The following MANEA variants were observed in gnomAD, a reference collection of about 807,000 sequenced individuals.
The protein encoded by MANEA is glycoprotein endo-alpha-1,2-mannosidase.
MANEA carries 25 observed loss-of-function variants against 36.8 expected under a neutral mutation model. That is an observed-to-expected ratio of 0.68 (90% CI 0.50 to 0.95). MANEA has a LOEUF of 0.95. MANEA is among the 40% of genes least tolerant of loss of function. MANEA has a pLI of 0.00. For synonymous variants in MANEA, 198 were observed against 188.5 expected, an observed-to-expected ratio of 1.05 and a Z score of -0.41; for missense variants, 565 against 558.8, an observed-to-expected ratio of 1.01 and a Z score of -0.11.
rs1019019682 is a variant in MANEA, at chr6:95,604,885, T to A, written c.713T>A (p.Val238Asp). The A allele has an allele frequency of 1.4e-6, 2 of 1,427,610 alleles. No homozygotes were observed. The highest frequency in any genetic ancestry group is 2.1e-5 in the Admixed American group (1 of 48,216). The allele number at this position is 1,427,610 out of a possible 1,614,324, so 88.4% of individuals were successfully genotyped here. The change falls in exon 4 of 5, where the codon GTC becomes GAC. Residue 238 changes from valine to aspartate, a missense_variant. Physicochemically the swap from Val to Asp is radical, Grantham distance 152. Coordinates refer to ENST00000358812, the MANE Select transcript of MANEA (RefSeq NM_024641.4). ...GATGATCAAAACATGTACAAAAATG[T>A]CAAGTATATTATAGACAAGTGAGTT... Reference protein sequence around the residue: ...NRDDQNMYKNVKYIIDKYGNH... With the variant: ...NRDDQNMYKNDKYIIDKYGNH...
At chr6:95,584,087 T>G (rs1228291441) in intron 1 of MANEA, among the ~76,000 whole-genome samples, 2 of 152,184 alleles carry the variant, frequency 1.3e-5, no homozygotes, top group African/African-American at 4.8e-5. Flanking sequence ...CTTAATCCTC[T>G]TATCTTCGTA....
At chr6:95,580,974 C>T (rs1769168404) in intron 1 of MANEA, among the ~76,000 whole-genome samples, 1 of 152,064 alleles carries the variant, frequency 6.6e-6, no homozygotes, top group Non-Finnish European at 1.5e-5. Context: ...TAAACAATTG[C>T]TCATTTATTT....
At chr6:95,589,734 T>C (rs1428623495) in intron 2 of MANEA, among the ~76,000 whole-genome samples, 2 of 152,134 alleles carry the variant, frequency 1.3e-5, no homozygotes, top group Non-Finnish European at 2.9e-5. Context: ...ACTAAAACTT[T>C]AGTAGACTGG....
intron 4 of MANEA, 79 bp from the exon 5 acceptor site, chr6:95,605,669 C>T (rs1477441482): frequency 4.8e-6 from 5 of 1,045,354 alleles, no homozygotes; most frequent in Non-Finnish European, 7.2e-6. Flanking sequence ...CTGACTCCTT[C>T]ATTTTCAGTA....
At position 95,599,331 on chromosome 6, in the gene MANEA, G is replaced by A. The variant is rs571750497; in HGVS notation, c.654+2485G>A. Among the ~76,000 whole-genome samples the A allele has an allele frequency of 5.3e-5, 8 of 151,774 alleles. No homozygotes were observed. In the South Asian group the frequency reaches 1.3e-3, roughly 24 times the overall value. Reference sequence around the variant, plus strand: ...CTCAGGAGGCTGAGGCATGAGAATTGCTTGAACCTGGGAGGCAGAGATTGC... The same window carrying A: ...CTCAGGAGGCTGAGGCATGAGAATTACTTGAACCTGGGAGGCAGAGATTGC... On this transcript the variant is annotated intron_variant, in intron 3 of 4. Coordinates refer to ENST00000358812, the MANE Select transcript of MANEA (RefSeq NM_024641.4).
chr6:95,580,443 T>G (rs1259714523), intron 1 of MANEA, among the ~76,000 whole-genome samples: 1 of 151,776 alleles, frequency 6.6e-6, no homozygotes, highest in Admixed American at 6.6e-5. Context: ...AATGACAATT[T>G]GGCCGGGCAC....
intron 2 of MANEA, among the ~76,000 whole-genome samples, chr6:95,592,883 A>G (rs577656327): frequency 4.2e-4 from 64 of 152,148 alleles, no homozygotes; most frequent in Non-Finnish European, 7.2e-4. Context: ...TTTATACCCT[A>G]TATTCTTAAC....
rs1769738947 is a variant in MANEA, at chr6:95,607,469, A to G, written c.*1064A>G. 6.6e-6 allele frequency: 1 copy of G among 152,196 alleles called. No homozygotes were observed. Among genetic ancestry groups the G allele is most frequent in the South Asian group, 2.1e-4 (1 of 4,828 alleles). 9.4% of individuals were successfully genotyped at this position (152,196 alleles called of 1,614,324 possible). On this transcript the variant is annotated 3_prime_UTR_variant, in exon 5 of 5. Transcript: ENST00000358812. ...CATTTTAGATTCTAGAGACATGGAA[A>G]TGAAAATTATTTTATGTCTAGAGTA...
intron 3 of MANEA, among the ~76,000 whole-genome samples, chr6:95,599,416 CAAA>C (rs11294845): frequency 1.3e-4 from 17 of 134,162 alleles, no homozygotes; most frequent in Non-Finnish European, 2.1e-4. Flanking sequence ...GAGTCTATCT[CAAA>C]AAAAAAAAAA....
intron 2 of MANEA, among the ~76,000 whole-genome samples, chr6:95,591,218 A>G (rs1201672243): frequency 2.0e-5 from 3 of 152,098 alleles, no homozygotes; most frequent in African/African-American, 4.8e-5. Flanking sequence ...GTCTAATATC[A>G]TATTCTTTCT....
At chr6:95,598,216 ACTAT>A (rs1769516645) in intron 3 of MANEA, among the ~76,000 whole-genome samples, 1 of 152,166 alleles carries the variant, frequency 6.6e-6, no homozygotes. Context: ...AAGTATACTC[ACTAT>A]CTATTGCTGC....
rs573685462 is a variant in MANEA at position 95,596,218 on chromosome 6, G to C, written c.545-519G>C. Among the ~76,000 whole-genome samples, 3 of 152,162 alleles carry C rather than the reference G, an allele frequency of 2.0e-5. No homozygotes were observed. The South Asian group carries it at 6.2e-4, about 32-fold the overall frequency. On this transcript the variant is annotated intron_variant, in intron 2 of 4. Transcript: ENST00000358812. ...AACGGGGATGAATCAGTATAGCACA[G>C]GAGGTTTATAGAGCTGGTAAAACTA...
chr6:95,588,733 TG>T (rs757767058), intron 2 of MANEA, among the ~76,000 whole-genome samples: 1 of 151,792 alleles, frequency 6.6e-6, no homozygotes, highest in Non-Finnish European at 1.5e-5. Flanking sequence ...TAGTATACAA[TG>T]AGGGTTTTTT....
intron 2 of MANEA, among the ~76,000 whole-genome samples, chr6:95,588,041 T>C (rs969307456): frequency 6.6e-6 from 1 of 152,102 alleles, no homozygotes; most frequent in South Asian, 2.1e-4. Context: ...TCTCTTCTCC[T>C]TCCTTCTGGC....
intron 2 of MANEA, among the ~76,000 whole-genome samples, chr6:95,588,011 T>C (rs1422739883): frequency 6.6e-6 from 1 of 152,094 alleles, no homozygotes; most frequent in African/African-American, 2.4e-5. Context: ...CTTATTGTTG[T>C]TCCCACCGCT....
chr6:95,579,022 G>C (rs1489300752), intron 1 of MANEA, among the ~76,000 whole-genome samples: 1 of 152,138 alleles, frequency 6.6e-6, no homozygotes, highest in Non-Finnish European at 1.5e-5. Context: ...CTGGCCCAGA[G>C]ATTTTTGAAA....
intron 2 of MANEA, among the ~76,000 whole-genome samples, chr6:95,595,378 C>T (rs1769464355): frequency 6.6e-6 from 1 of 152,122 alleles, no homozygotes. Context: ...TAGCCAGTTT[C>T]CCTAAAGCCT....
In MANEA at chr6:95,607,362, G is replaced by A. The variant is rs946679468; in HGVS notation, c.*957G>A. Reference sequence around the variant, plus strand: ...CAGATACCAAATATTTTTTAGGAAAGAAAAATGTTATTACTGTCATTAGGT... The same window carrying A: ...CAGATACCAAATATTTTTTAGGAAAAAAAAATGTTATTACTGTCATTAGGT... On this transcript the variant is annotated 3_prime_UTR_variant, in exon 5 of 5. Coordinates refer to ENST00000358812, the MANE Select transcript of MANEA (RefSeq NM_024641.4). 36 of 152,044 alleles carry A rather than the reference G, an allele frequency of 2.4e-4. No homozygotes were observed. The highest frequency in any genetic ancestry group is 7.9e-4 in the African/African-American group (33 of 41,510). The allele number at this position is 152,044 out of a possible 1,614,324, so 9.4% of individuals were successfully genotyped here. A position where few individuals can be genotyped will look rare whatever the true frequency, so the allele number is the denominator to read the frequency against.
At chr6:95,587,749 A>T (rs183824446) in intron 2 of MANEA, among the ~76,000 whole-genome samples, 7 of 152,188 alleles carry the variant, frequency 4.6e-5, no homozygotes, top group Non-Finnish European at 1.5e-5. Flanking sequence ...TCTTAAAGTT[A>T]TTCTGTCAGT....
Sources: allele counts gnomAD v4.1 joint callset (sites outside exome capture counted in the v4.1 genomes callset), GRCh38; gene constraint gnomAD v4.1.1; transcripts MANE v1.5; gene names NCBI Gene and HGNC (gene_info 2026-07-23, HGNC 2026-07-21).